The following ADGRB3 variants were observed in gnomAD, a reference collection of about 807,000 sequenced individuals.
ADGRB3 encodes the protein brain-specific angiogenesis inhibitor 3.
A neutral mutation model predicts 193.4 loss-of-function variants in ADGRB3; 37 were observed. The ratio of observed to expected loss-of-function variants is 0.19; its 90% CI spans 0.15 to 0.25. The LOEUF (loss-of-function observed/expected upper bound fraction) is 0.25, where lower values mean the gene tolerates loss of function less well. Ranked by LOEUF, ADGRB3 falls within the 10% of genes least tolerant of loss-of-function variation. The pLI, the probability that ADGRB3 is intolerant of heterozygous loss-of-function variation, is 1.00. For synonymous variants in ADGRB3, 690 were observed against 644.2 expected (o/e 1.07, Z -1.08); for missense variants, 1,637 against 1,852.9 (o/e 0.88, Z 2.14).
At chr6:68,863,920 A>G (rs1240628236) in intron 3 of ADGRB3, among the ~76,000 whole-genome samples, 1 of 152,200 alleles carries the variant, frequency 6.6e-6, no homozygotes, top group Non-Finnish European at 1.5e-5. Context: ...TATGCATTAT[A>G]CTAAATTATT....
In ADGRB3 at chr6:68,878,064, T is replaced by C. The variant is rs139268207; in HGVS notation, c.758-52495T>C. ...AGCTTTTCTACAACTATAATTCCTGTTGCTGTATGATTAACTTTTTCATTA... is the reference window on the plus strand; with the variant it reads ...AGCTTTTCTACAACTATAATTCCTGCTGCTGTATGATTAACTTTTTCATTA... On this transcript the variant is annotated intron_variant, in intron 3 of 31. Transcript: ENST00000370598. 2.6e-3 allele frequency among the ~76,000 whole-genome samples: 397 copies of C among 152,266 alleles called. 4 individuals are homozygous for C. The highest frequency in any genetic ancestry group is 9.0e-3 in the African/African-American group (376 of 41,586).
intron 11 of ADGRB3, among the ~76,000 whole-genome samples, chr6:69,003,625 C>T (rs1050020731): frequency 6.6e-6 from 1 of 152,066 alleles, no homozygotes; most frequent in African/African-American, 2.4e-5. Flanking sequence ...TATTGTTTCT[C>T]TGTGGTATAG....
At chr6:69,075,902 A>G (rs2150312570) in intron 16 of ADGRB3, 93 bp from the exon 17 acceptor site, 1 of 941,522 alleles carries the variant, frequency 1.1e-6, no homozygotes. Flanking sequence ...ACAAGATAAG[A>G]AATCTTCCAT....
intron 26 of ADGRB3, among the ~76,000 whole-genome samples, chr6:69,349,950 T>A (rs1769187010): frequency 6.6e-6 from 1 of 152,176 alleles, no homozygotes; most frequent in South Asian, 2.1e-4. Flanking sequence ...TCGGTGCTCT[T>A]CCCTAGCAGT....
chr6:68,988,902 TA>T (rs1769153596), intron 10 of ADGRB3, among the ~76,000 whole-genome samples: 1 of 152,046 alleles, frequency 6.6e-6, no homozygotes, highest in South Asian at 2.1e-4. Flanking sequence ...GAAGAGGAAA[TA>T]AATTGCCTTT....
At chr6:69,317,909 A>C (rs1003155456) in intron 20 of ADGRB3, among the ~76,000 whole-genome samples, 7 of 151,534 alleles carry the variant, frequency 4.6e-5, no homozygotes, top group Non-Finnish European at 1.0e-4. Context: ...AGATTAGTTT[A>C]TTGATCTCAG....
intron 6 of ADGRB3, among the ~76,000 whole-genome samples, chr6:68,953,975 A>T (rs1768003285): frequency 6.6e-6 from 1 of 152,210 alleles, no homozygotes; most frequent in South Asian, 2.1e-4. Context: ...CCACAGACTG[A>T]TGCATTTATA....
At position 68,790,918 on chromosome 6, in the gene ADGRB3, A is replaced by T. The variant is rs145834517; in HGVS notation, c.758-139641A>T. Among the ~76,000 whole-genome samples, 1,133 of 152,224 alleles carry T rather than the reference A, an allele frequency of 7.4e-3. 17 individuals carry two copies. Among genetic ancestry groups the T allele is most frequent in the African/African-American group, 0.025 (1,037 of 41,558 alleles). On this transcript the variant is annotated intron_variant, in intron 3 of 31. Coordinates refer to ENST00000370598, the MANE Select transcript of ADGRB3 (RefSeq NM_001704.3). ...AAAGGAACGCAGCTCCTCACCATTTATGACTGATTTTTAAAATATCTTATA... is the reference window on the plus strand; with the variant it reads ...AAAGGAACGCAGCTCCTCACCATTTTTGACTGATTTTTAAAATATCTTATA...
At chr6:68,827,927 A>G (rs1189476256) in intron 3 of ADGRB3, among the ~76,000 whole-genome samples, 2 of 152,140 alleles carry the variant, frequency 1.3e-5, no homozygotes, top group African/African-American at 4.8e-5. Context: ...GGTTTCCTTC[A>G]GGCCTTCATA....
At chr6:69,130,259 T>A (rs1773969428) in intron 17 of ADGRB3, among the ~76,000 whole-genome samples, 1 of 151,986 alleles carries the variant, frequency 6.6e-6, no homozygotes. Context: ...CTAGTCACCT[T>A]TCAAAGGTTC....
chr6:68,987,231 A>G (rs1279484592), intron 10 of ADGRB3, among the ~76,000 whole-genome samples: 1 of 152,200 alleles, frequency 6.6e-6, no homozygotes, highest in East Asian at 1.9e-4. Flanking sequence ...TTAAATTACA[A>G]TAATCAAAAC....
intron 26 of ADGRB3, among the ~76,000 whole-genome samples, chr6:69,347,138 A>T (rs61579800): frequency 0.037 from 5,654 of 152,238 alleles, 177 homozygotes; most frequent in Admixed American, 0.095. Flanking sequence ...GTTCTCATTC[A>T]TAAGTGGGAG....
intron 17 of ADGRB3, among the ~76,000 whole-genome samples, chr6:69,195,850 G>A (rs1267846603): frequency 2.6e-5 from 4 of 151,980 alleles, no homozygotes; most frequent in African/African-American, 7.2e-5. Flanking sequence ...TTTATACTAC[G>A]CAAAAGCATA....
intron 3 of ADGRB3, among the ~76,000 whole-genome samples, chr6:68,927,272 G>T (rs9454654): frequency 6.6e-6 from 1 of 151,760 alleles, no homozygotes; most frequent in African/African-American, 2.4e-5. Context: ...TCTTTTTCTC[G>T]TGTAACTAAT....
intron 30 of ADGRB3, 42 bp from the exon 31 acceptor site, chr6:69,382,789 A>T: frequency 7.3e-7 from 1 of 1,376,922 alleles, no homozygotes; most frequent in Non-Finnish European, 1.0e-6. Flanking sequence ...TGAAAAACAT[A>T]CATCAAGTTG....
intron 3 of ADGRB3, among the ~76,000 whole-genome samples, chr6:68,658,854 A>T (rs1768553879): frequency 6.6e-6 from 1 of 151,100 alleles, no homozygotes; most frequent in Non-Finnish European, 1.5e-5. Context: ...TAGAAGATCA[A>T]AATAAAACTA....
At chr6:68,923,828 T>C (rs887247698) in intron 3 of ADGRB3, among the ~76,000 whole-genome samples, 12 of 152,078 alleles carry the variant, frequency 7.9e-5, no homozygotes, top group Admixed American at 2.0e-4. Flanking sequence ...TTGGAAAATA[T>C]AGAAATAACC....
At chr6:68,642,583 G>A (rs1278069673) in intron 3 of ADGRB3, among the ~76,000 whole-genome samples, 2 of 152,014 alleles carry the variant, frequency 1.3e-5, no homozygotes, top group Non-Finnish European at 2.9e-5. Flanking sequence ...CTTCATTAAA[G>A]TATTACATTT....
chr6:68,679,942 A>G (rs1399276103), intron 3 of ADGRB3, among the ~76,000 whole-genome samples: 10 of 152,122 alleles, frequency 6.6e-5, no homozygotes, highest in Non-Finnish European at 1.5e-4. Flanking sequence ...CCTAATCCCA[A>G]CGGAAGGTAT....
Sources: allele counts gnomAD v4.1 joint callset (sites outside exome capture counted in the v4.1 genomes callset), GRCh38; gene constraint gnomAD v4.1.1; transcripts MANE v1.5; gene names NCBI Gene and HGNC (gene_info 2026-07-23, HGNC 2026-07-21).